Variants in CLPTM1L observed in about 807,000 individuals in gnomAD.
CLPTM1L encodes lipid scramblase CLPTM1L.
Under a neutral mutation model 70.9 loss-of-function variants are expected in CLPTM1L, and 38 were observed. The ratio of observed to expected loss-of-function variants is 0.54; its 90% confidence interval spans 0.41 to 0.70. CLPTM1L has a LOEUF of 0.70. Ranked by LOEUF, CLPTM1L falls within the 30% of genes least tolerant of loss-of-function variation. The pLI is 0.00. For missense variants in CLPTM1L, 652 were observed against 705.9 expected, an observed-to-expected ratio of 0.92 and a Z score of 0.87; for synonymous variants, 339 against 299.9, an observed-to-expected ratio of 1.13 and a Z score of -1.35.
At chr5:1,337,514 A>T (rs565014027) in intron 5 of CLPTM1L, among the ~76,000 whole-genome samples, 36 of 152,342 alleles carry the variant, frequency 2.4e-4, no homozygotes, top group African/African-American at 8.7e-4. Context: ...CCTGGTGGGG[A>T]AAGCAGGAGT....
chr5:1,318,809 T>C lies in CLPTM1L; in HGVS notation c.1533-356A>G, dbSNP rs1268348971. 3.9e-5 allele frequency among the ~76,000 whole-genome samples: 6 copies of C among 152,186 alleles called. No homozygotes were observed. Among genetic ancestry groups the C allele is most frequent in the African/African-American group, 1.4e-4 (6 of 41,438 alleles). On this transcript the variant is annotated intron_variant, in intron 16 of 16. Transcript: ENST00000320895. The surrounding 1 kb of genome is among the most constrained non-coding windows in gnomAD (Gnocchi z 8.9). ...CTCGAGTGATCAGAACAGGAACCGCTGTGTTCAGGGACCACGTCTCATCAG... is the reference window on the plus strand; with the variant it reads ...CTCGAGTGATCAGAACAGGAACCGCCGTGTTCAGGGACCACGTCTCATCAG...
intron 5 of CLPTM1L, among the ~76,000 whole-genome samples, chr5:1,337,259 G>A (rs1427260103): frequency 2.6e-5 from 4 of 152,254 alleles, no homozygotes; most frequent in South Asian, 2.1e-4. Flanking sequence ...TGCAGTAAGA[G>A]ACATTAAATA....
At chr5:1,321,917 C>T (rs188921131) in intron 13 of CLPTM1L, 98 bp from the exon 14 acceptor site, 56 of 1,083,454 alleles carry the variant, frequency 5.2e-5, no homozygotes, top group Non-Finnish European at 6.3e-5. Context: ...CGAGCTGCCA[C>T]GTCTATGCAT....
At position 1,335,222 on chromosome 5, in the gene CLPTM1L, C is replaced by A. The variant is rs751547916; in HGVS notation, c.679-48G>T. 3 of 1,504,484 alleles carry A rather than the reference C, an allele frequency of 2.0e-6. No homozygotes were observed. The African/African-American group carries it at 4.1e-5, about 21-fold the overall frequency. The allele number at this position is 1,504,484 out of a possible 1,614,324, so 93.2% of individuals were successfully genotyped here. A position where few individuals can be genotyped will look rare whatever the true frequency, so the allele number is the denominator to read the frequency against. On this transcript the variant is annotated intron_variant, in intron 5 of 16. Coordinates refer to ENST00000320895, the MANE Select transcript of CLPTM1L (RefSeq NM_030782.5). The stretch of plus-strand genomic sequence containing the variant: ...GGGCCCTGCCCTCATACCCTTGCAC[C>A]CAGCTGCCTGGCAGCCCTCGCCAAC...
At chr5:1,333,524 CAGATGA>C (rs1753301323) in intron 7 of CLPTM1L, among the ~76,000 whole-genome samples, 2 of 99,438 alleles carry the variant, frequency 2.0e-5, no homozygotes, top group African/African-American at 9.4e-5. Flanking sequence ...GTATACACAC[CAGATGA>C]GGATAAGGGG....
rs1753778146 is a variant in CLPTM1L at position 1,339,120 on chromosome 5, C to T, written c.454-115G>A. ...GCCACACAGACAGGCAAACTGTGCC[C>T]GGGACAGCAGGGTCAGCCCCCTAAC... is the stretch of plus-strand genomic sequence containing the variant. On this transcript the variant is annotated intron_variant, in intron 3 of 16. Coordinates refer to ENST00000320895, the MANE Select transcript of CLPTM1L (RefSeq NM_030782.5). 14 of 1,263,170 alleles carry T rather than the reference C, an allele frequency of 1.1e-5. No individual in the cohort carries two copies. The South Asian group carries it at 1.3e-4, about 12-fold the overall frequency. The allele number at this position is 1,263,170 out of a possible 1,614,324, so 78.2% of individuals were successfully genotyped here. A position where few individuals can be genotyped will look rare whatever the true frequency, so the allele number is the denominator to read the frequency against.
At chr5:1,337,603 T>A (rs147728119) in intron 5 of CLPTM1L, among the ~76,000 whole-genome samples, 29 of 152,378 alleles carry the variant, frequency 1.9e-4, no homozygotes, top group African/African-American at 7.0e-4. Context: ...GGTGCTCATG[T>A]GCCTGCTCTC....
At chr5:1,339,065 G>C in intron 3 of CLPTM1L, 60 bp from the exon 4 acceptor site, 3 of 1,573,254 alleles carry the variant, frequency 1.9e-6, no homozygotes, top group Non-Finnish European at 2.6e-6. Context: ...CAGGACAGCA[G>C]GGTCAGCCCC....
In CLPTM1L at chr5:1,341,860, C is replaced by T. The variant is rs1285405847; in HGVS notation, c.264G>A (p.Arg88=). 2 of 1,608,048 alleles carry T rather than the reference C, an allele frequency of 1.2e-6. No homozygotes were observed. The highest frequency in any genetic ancestry group is 2.2e-5 in the South Asian group (2 of 90,802). Residue 88 remains arginine (R), a splice_region_variant and synonymous_variant, in exon 3 of 17, where the codon AGG becomes AGA. Coordinates refer to ENST00000320895, the MANE Select transcript of CLPTM1L (RefSeq NM_030782.5). ...TCTTTGGTACAGAAACATTAACTGTCCTGAAACAGAACAATCATTTCCACT... is the reference window on the plus strand; with the variant it reads ...TCTTTGGTACAGAAACATTAACTGTTCTGAAACAGAACAATCATTTCCACT... The part of the protein sequence containing the change: ...EDFDVESKFE[R]TVNVSVPKKT...
chr5:1,338,767 C>G, intron 4 of CLPTM1L, 93 bp downstream of exon 4: 2 of 1,480,046 alleles, frequency 1.4e-6, no homozygotes, highest in East Asian at 2.3e-5. Context: ...ACAGAGGGGA[C>G]TCCACGGTGC....
At position 1,343,209 on chromosome 5, in the gene CLPTM1L, A is replaced by G. The variant is rs371858096; in HGVS notation, c.263+1142T>C. Among the ~76,000 whole-genome samples, 10 of 152,010 alleles carry G rather than the reference A, an allele frequency of 6.6e-5. No individual in the cohort carries two copies. The East Asian group carries it at 7.7e-4, about 12-fold the overall frequency. On this transcript the variant is annotated intron_variant, in intron 2 of 16. Transcript: ENST00000320895. ...TATCTCAAAAAAAAAAAAAAATCTTACGGCCAAAGTTGTAATGAAAAACAC... is the reference window on the plus strand; with the variant it reads ...TATCTCAAAAAAAAAAAAAAATCTTGCGGCCAAAGTTGTAATGAAAAACAC...
chr5:1,320,863 A>G (rs1015206931), intron 15 of CLPTM1L, 132 bp from the exon 16 acceptor site: 1 of 558,716 alleles, frequency 1.8e-6, no homozygotes, highest in African/African-American at 2.0e-5. Context: ...CAGCAACAAC[A>G]AAAAGAGCAG....
Position 1,338,953 on chromosome 5 carries a change from T to C in CLPTM1L, c.506A>G (p.His169Arg). 2 of 1,613,390 alleles carry C rather than the reference T, an allele frequency of 1.2e-6. No homozygotes were observed. Among genetic ancestry groups the C allele is most frequent in the Non-Finnish European group, 1.7e-6 (2 of 1,180,044 alleles). Residue 169 changes from histidine to arginine, a missense_variant, in exon 4 of 17, where the codon CAC becomes CGC. His to Arg is a conservative substitution (Grantham distance 29). Around this residue, in one of 3 missense-constraint regions of CLPTM1L, gnomAD observed 402 missense variants for 388.2 expected, o/e 1.04. Coordinates refer to ENST00000320895, the MANE Select transcript of CLPTM1L (RefSeq NM_030782.5). Reference sequence around the variant, plus strand: ...GTTCAGCGCCAGCCGCGGTCGCCAGTGGGACACTGGCTCATCCAGGGCACT... The same window carrying C: ...GTTCAGCGCCAGCCGCGGTCGCCAGCGGGACACTGGCTCATCCAGGGCACT... ...PTSALDEPVS[H>R]WRPRLALNVM...
intron 6 of CLPTM1L, 125 bp downstream of exon 6, chr5:1,334,932 C>T: frequency 1.5e-6 from 1 of 655,152 alleles, no homozygotes; most frequent in South Asian, 1.8e-5. Flanking sequence ...GCCTCTGATT[C>T]AACGTCTGTG....
chr5:1,330,464 T>G (rs1464304698), intron 8 of CLPTM1L, 81 bp from the exon 9 acceptor site: 1 of 1,110,454 alleles, frequency 9.0e-7, no homozygotes, highest in Non-Finnish European at 1.4e-6. Flanking sequence ...ATACCCCCAG[T>G]CCCCCATCCC....
chr5:1,333,873 A>G (rs924267048), intron 7 of CLPTM1L, among the ~76,000 whole-genome samples: 1 of 152,106 alleles, frequency 6.6e-6, no homozygotes, highest in Non-Finnish European at 1.5e-5. Flanking sequence ...TAGAATTTAT[A>G]CAAGAGAACT....
intron 7 of CLPTM1L, among the ~76,000 whole-genome samples, chr5:1,333,902 C>T (rs984501115): frequency 1.3e-5 from 2 of 152,096 alleles, no homozygotes; most frequent in African/African-American, 2.4e-5. Context: ...CTAGAGGCTG[C>T]CCAGCTCCGC....
chr5:1,337,696 G>A (rs371851879), intron 5 of CLPTM1L, among the ~76,000 whole-genome samples: 3 of 152,206 alleles, frequency 2.0e-5, no homozygotes, highest in African/African-American at 7.2e-5. Context: ...GCAGGACCCC[G>A]CAGCCAGCCA....
chr5:1,326,806 C>T (rs1752601060), intron 9 of CLPTM1L, among the ~76,000 whole-genome samples: 1 of 150,520 alleles, frequency 6.6e-6, no homozygotes, highest in Admixed American at 6.6e-5. Context: ...CATCCAGCTC[C>T]TCCCCTACAG....
Sources: allele counts gnomAD v4.1 joint callset (sites outside exome capture counted in the v4.1 genomes callset), GRCh38; gene constraint gnomAD v4.1.1; regional missense constraint gnomAD v4.1.1; non-coding constraint Gnocchi (gnomAD v3.1); transcripts MANE v1.5; gene names NCBI Gene and HGNC (gene_info 2026-07-23, HGNC 2026-07-21).